RPS6KC1: variants seen among roughly 807,000 people sequenced by gnomAD.
RPS6KC1 encodes inactive ribosomal protein S6 kinase delta-1.
Under a neutral mutation model 103.8 loss-of-function variants are expected in RPS6KC1, and 54 were observed. The observed-to-expected ratio is 0.52, with a 90% CI of 0.42 to 0.65. The LOEUF (loss-of-function observed/expected upper bound fraction) is 0.65. RPS6KC1 is among the 30% of genes least tolerant of loss of function. The probability of loss-of-function intolerance (pLI) is 0.00; values close to 1 mark genes in which losing one functional copy is unlikely to be tolerated. For missense variants in RPS6KC1, 1,151 were observed against 1,253.8 expected (o/e 0.92, Z 1.24); for synonymous variants, 439 against 438.7 (o/e 1.00, Z -0.01).
At chr1:213,549,077 C>G in the RPS6KC1 span, among the ~76,000 whole-genome samples, 2 of 152,136 alleles carry the variant, frequency 1.3e-5, no homozygotes, top group Non-Finnish European at 2.9e-5. Flanking sequence ...CTCCATTTCC[C>G]CCAGTGGGAG....
At chr1:213,384,798 C>T in the RPS6KC1 span, among the ~76,000 whole-genome samples, 18 of 152,202 alleles carry the variant, frequency 1.2e-4, no homozygotes, top group Non-Finnish European at 2.5e-4. Flanking sequence ...ACTCAGTTCG[C>T]ACAACTACCC....
the RPS6KC1 span, among the ~76,000 whole-genome samples, chr1:213,845,524 C>T: frequency 9.2e-3 from 1,402 of 152,216 alleles, 36 homozygotes; most frequent in African/African-American, 0.032. Context: ...TGGTTTAAGA[C>T]CTTAAAATCT....
At chr1:213,620,969 C>T in the RPS6KC1 span, among the ~76,000 whole-genome samples, 1 of 152,166 alleles carries the variant, frequency 6.6e-6, no homozygotes, top group African/African-American at 2.4e-5. Context: ...TGTTGAATAG[C>T]ACACTTACAC....
At chr1:213,366,443 G>T in the RPS6KC1 span, among the ~76,000 whole-genome samples, 2 of 152,232 alleles carry the variant, frequency 1.3e-5, no homozygotes, top group Non-Finnish European at 2.9e-5. Flanking sequence ...GTGGATCAGA[G>T]TATGGCTGTT....
chr1:213,732,230 G>A, the RPS6KC1 span, among the ~76,000 whole-genome samples: 1 of 152,214 alleles, frequency 6.6e-6, no homozygotes, highest in South Asian at 2.1e-4. Context: ...GGAAGGAGGA[G>A]AGGACAACAT....
chr1:213,503,127 G>C, the RPS6KC1 span, among the ~76,000 whole-genome samples: 1 of 150,178 alleles, frequency 6.7e-6, no homozygotes, highest in African/African-American at 2.5e-5. Flanking sequence ...TTTCTCTATG[G>C]CTGTTCCATC....
At chr1:213,464,510 C>T in the RPS6KC1 span, among the ~76,000 whole-genome samples, 1 of 152,102 alleles carries the variant, frequency 6.6e-6, no homozygotes, top group Non-Finnish European at 1.5e-5. Context: ...TTTTCAAAGA[C>T]TTAGCTCTTA....
At chr1:213,101,294 A>C (rs1558317189) in intron 3 of RPS6KC1, among the ~76,000 whole-genome samples, 1 of 152,092 alleles carries the variant, frequency 6.6e-6, no homozygotes, top group Non-Finnish European at 1.5e-5. Flanking sequence ...GTTATTCTGA[A>C]GTATTTTAGG....
chr1:213,781,682 C>T, the RPS6KC1 span, among the ~76,000 whole-genome samples: 2 of 152,032 alleles, frequency 1.3e-5, no homozygotes, highest in African/African-American at 4.8e-5. Flanking sequence ...CACTCATCAG[C>T]AAGGCTAATT....
chr1:213,566,797 G>A, the RPS6KC1 span, among the ~76,000 whole-genome samples: 1 of 151,506 alleles, frequency 6.6e-6, no homozygotes, highest in Non-Finnish European at 1.5e-5. Flanking sequence ...TCATTTTGTT[G>A]TATTGTCTTT....
the RPS6KC1 span, among the ~76,000 whole-genome samples, chr1:213,343,396 T>C: frequency 1.4e-4 from 1 of 7,034 alleles, no homozygotes; most frequent in Non-Finnish European, 3.5e-4. Context: ...TGTGTGTATA[T>C]ATATATATAT....
intron 6 of RPS6KC1, among the ~76,000 whole-genome samples, chr1:213,131,766 T>G (rs2085659012): frequency 6.6e-6 from 1 of 152,190 alleles, no homozygotes; most frequent in African/African-American, 2.4e-5. Flanking sequence ...TTTTGTTTGC[T>G]AGTGGAGCAT....
the RPS6KC1 span, among the ~76,000 whole-genome samples, chr1:213,307,231 T>G: frequency 1.3e-5 from 2 of 152,088 alleles, no homozygotes; most frequent in East Asian, 1.9e-4. Flanking sequence ...GCCTGGCTAA[T>G]TTTTTGTATT....
the RPS6KC1 span, among the ~76,000 whole-genome samples, chr1:213,426,687 G>A: frequency 4.6e-5 from 7 of 152,248 alleles, no homozygotes; most frequent in South Asian, 1.0e-3. Flanking sequence ...CACTGCTGCC[G>A]TTTAAATAGG....
At chr1:213,117,173 TGAAAACA>T (rs1258270021) in intron 4 of RPS6KC1, 137 bp from the exon 5 acceptor site, 1 of 518,630 alleles carries the variant, frequency 1.9e-6, no homozygotes, top group Non-Finnish European at 3.4e-6. Context: ...TGTTTTTTTT[TGAAAACA>T]CTTGTCATCT....
the RPS6KC1 span, among the ~76,000 whole-genome samples, chr1:213,826,170 T>C: frequency 2.4e-4 from 36 of 152,326 alleles, no homozygotes; most frequent in South Asian, 7.1e-3. Flanking sequence ...ATCTATATTT[T>C]AAAAATCTAG....
the RPS6KC1 span, among the ~76,000 whole-genome samples, chr1:213,760,076 G>A: frequency 2.3e-4 from 35 of 152,260 alleles, no homozygotes; most frequent in Middle Eastern, 6.8e-3. Context: ...CAGTCGGTGG[G>A]GCCGCCAGGC....
At chr1:213,812,560 C>T in the RPS6KC1 span, among the ~76,000 whole-genome samples, 22 of 152,222 alleles carry the variant, frequency 1.4e-4, no homozygotes, top group African/African-American at 2.2e-4. Flanking sequence ...TTGACAATGC[C>T]GTTGTTAAAG....
At chr1:213,302,549 T>TA in the RPS6KC1 span, among the ~76,000 whole-genome samples, 1 of 152,230 alleles carries the variant, frequency 6.6e-6, no homozygotes, top group South Asian at 2.1e-4. Context: ...TTGTAATACT[T>TA]ACATTCCTGT....
Sources: gnomAD v4.1 joint callset for allele counts (sites outside exome capture counted in the v4.1 genomes callset) on GRCh38, gnomAD v4.1.1 for gene constraint, MANE v1.5 for transcripts, NCBI Gene and HGNC (gene_info 2026-07-23, HGNC 2026-07-21) for gene names.